The following KCNH7 variants were observed in gnomAD, a reference collection of about 807,000 sequenced individuals.
The protein encoded by KCNH7 is voltage-gated inwardly rectifying potassium channel KCNH7.
In KCNH7, 49 loss-of-function variants were observed where a neutral mutation model predicts 120.8. The observed-to-expected ratio is 0.41, with a 90% CI of 0.32 to 0.51. The LOEUF (loss-of-function observed/expected upper bound fraction) is 0.51, where lower values mean the gene tolerates loss of function less well. KCNH7 is among the 20% of genes least tolerant of loss of function. KCNH7 has a pLI of 0.38. For missense variants in KCNH7, 1,097 were observed against 1,446.6 expected, an observed-to-expected ratio of 0.76 and a Z score of 3.92; for synonymous variants, 547 against 516.1, an observed-to-expected ratio of 1.06 and a Z score of -0.81.
intron 2 of KCNH7, among the ~76,000 whole-genome samples, chr2:162,707,502 GTCA>G (rs1686756769): frequency 6.6e-6 from 1 of 152,004 alleles, no homozygotes; most frequent in Non-Finnish European, 1.5e-5. Context: ...CATTTTTAAT[GTCA>G]TCATTTGTAT....
At chr2:162,576,382 G>A (rs1693671720) in intron 2 of KCNH7, among the ~76,000 whole-genome samples, 1 of 152,008 alleles carries the variant, frequency 6.6e-6, no homozygotes, top group African/African-American at 2.4e-5. Flanking sequence ...TGGGGATAGT[G>A]AGAAGGAAGG....
intron 3 of KCNH7, among the ~76,000 whole-genome samples, chr2:162,531,769 A>G (rs977248806): frequency 2.6e-5 from 4 of 151,952 alleles, no homozygotes; most frequent in African/African-American, 9.7e-5. Flanking sequence ...ACATTAATGT[A>G]TTTGTGTCAA....
chr2:162,829,637 A>G (rs1685402965), intron 2 of KCNH7, among the ~76,000 whole-genome samples: 1 of 152,118 alleles, frequency 6.6e-6, no homozygotes, highest in Admixed American at 6.6e-5. Flanking sequence ...CTGTTCACTA[A>G]ATATTTTTCT....
intron 2 of KCNH7, among the ~76,000 whole-genome samples, chr2:162,693,372 G>A (rs1018766317): frequency 2.0e-5 from 3 of 152,168 alleles, no homozygotes; most frequent in African/African-American, 7.2e-5. Flanking sequence ...TTCAAGATGG[G>A]TGTGGTGAAT....
chr2:162,696,011 A>G (rs1263891722), intron 2 of KCNH7, among the ~76,000 whole-genome samples: 1 of 152,206 alleles, frequency 6.6e-6, no homozygotes, highest in Non-Finnish European at 1.5e-5. Flanking sequence ...CAAATAAAGA[A>G]ATATTGTTTG....
At chr2:162,422,304 T>C (rs1687732358) in intron 9 of KCNH7, among the ~76,000 whole-genome samples, 1 of 152,122 alleles carries the variant, frequency 6.6e-6, no homozygotes, top group Admixed American at 6.6e-5. Flanking sequence ...CTTTCTCCAT[T>C]AGAATATTAG....
At chr2:162,460,217 G>A (rs914017637) in intron 6 of KCNH7, among the ~76,000 whole-genome samples, 3 of 152,064 alleles carry the variant, frequency 2.0e-5, no homozygotes, top group Admixed American at 6.6e-5. Flanking sequence ...GGAAATGGGA[G>A]GAATGCTTCT....
At chr2:162,462,759 C>T (rs928224869) in intron 6 of KCNH7, among the ~76,000 whole-genome samples, 7 of 151,454 alleles carry the variant, frequency 4.6e-5, no homozygotes, top group Non-Finnish European at 1.5e-5. Context: ...AATTCTCAGG[C>T]CTGTGTTTTG....
chr2:162,400,020 T>A (rs1356017324), intron 10 of KCNH7, among the ~76,000 whole-genome samples, 169 bp downstream of exon 10: 1 of 151,958 alleles, frequency 6.6e-6, no homozygotes, highest in African/African-American at 2.4e-5. Context: ...ACATATTTTC[T>A]GAAAGGTTAA....
intron 2 of KCNH7, among the ~76,000 whole-genome samples, chr2:162,538,777 T>C (rs1692200103): frequency 6.6e-6 from 1 of 152,108 alleles, no homozygotes; most frequent in African/African-American, 2.4e-5. Flanking sequence ...CAATTATTTA[T>C]AAAATTGTTT....
At chr2:162,415,636 T>C (rs1204177084) in intron 9 of KCNH7, among the ~76,000 whole-genome samples, 1 of 152,168 alleles carries the variant, frequency 6.6e-6, no homozygotes, top group South Asian at 2.1e-4. Context: ...CTTTAAGAAT[T>C]GCCAATATAA....
intron 2 of KCNH7, among the ~76,000 whole-genome samples, chr2:162,641,022 A>G (rs531298526): frequency 1.3e-5 from 2 of 152,202 alleles, no homozygotes; most frequent in Non-Finnish European, 2.9e-5. Flanking sequence ...AAAAATATTG[A>G]TAAAACCAAA....
At chr2:162,468,502 TATTCTTTTCC>T (rs1264289510) in intron 6 of KCNH7, among the ~76,000 whole-genome samples, 1 of 151,088 alleles carries the variant, frequency 6.6e-6, no homozygotes, top group African/African-American at 2.4e-5. Flanking sequence ...GCAAGGTATT[TATTCTTTTCC>T]TTTTTTTTTT....
At chr2:162,611,733 T>C (rs1682973386) in intron 2 of KCNH7, among the ~76,000 whole-genome samples, 1 of 152,176 alleles carries the variant, frequency 6.6e-6, no homozygotes, top group Non-Finnish European at 1.5e-5. Context: ...TACCTCACAA[T>C]GTACCAGCTA....
chr2:162,483,738 G>A (rs983661105), intron 6 of KCNH7, among the ~76,000 whole-genome samples: 4 of 152,060 alleles, frequency 2.6e-5, no homozygotes, highest in Admixed American at 2.6e-4. Flanking sequence ...ATTTTCTTGA[G>A]TCAGGTAGTA....
chr2:162,525,954 G>A (rs899128982), intron 3 of KCNH7, among the ~76,000 whole-genome samples: 6 of 151,330 alleles, frequency 4.0e-5, no homozygotes, highest in Non-Finnish European at 8.9e-5. Flanking sequence ...TTACTCTATC[G>A]GGGGAAATTC....
chr2:162,801,191 C>T (rs758561830), intron 2 of KCNH7, among the ~76,000 whole-genome samples: 3 of 151,472 alleles, frequency 2.0e-5, no homozygotes, highest in African/African-American at 7.3e-5. Context: ...TAAAATAATG[C>T]TATTCTAAAA....
intron 13 of KCNH7, among the ~76,000 whole-genome samples, chr2:162,380,249 G>A (rs1686369428): frequency 1.3e-5 from 2 of 152,128 alleles, no homozygotes; most frequent in African/African-American, 4.8e-5. Context: ...ACAAAAACAT[G>A]TAGCAGGTCC....
intron 2 of KCNH7, among the ~76,000 whole-genome samples, chr2:162,658,180 T>A (rs1574230904): frequency 6.6e-6 from 1 of 151,998 alleles, no homozygotes; most frequent in East Asian, 2.0e-4. Flanking sequence ...CAGCTTTTTT[T>A]TTTAATTATT....
Sources: gnomAD v4.1 joint callset for allele counts (sites outside exome capture counted in the v4.1 genomes callset) on GRCh38, gnomAD v4.1.1 for gene constraint, MANE v1.5 for transcripts, NCBI Gene and HGNC (gene_info 2026-07-23, HGNC 2026-07-21) for gene names.